NEMP2: variants seen among roughly 807,000 people sequenced by gnomAD.
The protein encoded by NEMP2 is nuclear envelope integral membrane protein 2.
A neutral mutation model predicts 54.2 loss-of-function variants in NEMP2; 53 were observed. The ratio of observed to expected loss-of-function variants is 0.98; its 90% CI spans 0.78 to 1.23. The LOEUF (loss-of-function observed/expected upper bound fraction) is 1.23, where lower values mean the gene tolerates loss of function less well. Among genes scored for constraint, NEMP2 ranks in the 50% most tolerant of loss-of-function variants. The pLI is 0.00. For missense variants in NEMP2, 455 were observed against 511.3 expected (o/e 0.89, Z 1.06); for synonymous variants, 197 against 190.3 (o/e 1.04, Z -0.29).
Position 190,532,376 on chromosome 2 carries a change from T to C in NEMP2, c.97+2183A>G, listed in dbSNP as rs1005827917. On this transcript the variant is annotated intron_variant, in intron 1 of 8. Transcript: ENST00000409150. Reference sequence around the variant, plus strand: ...GGTCTTTAACTTCAAGTTCAAATCTTCACAGATGAATCTTAAAGCTGTGGT... The same window carrying C: ...GGTCTTTAACTTCAAGTTCAAATCTCCACAGATGAATCTTAAAGCTGTGGT... Among the ~76,000 whole-genome samples, 16 of 152,324 alleles carry C rather than the reference T, an allele frequency of 1.1e-4. No homozygotes were observed. The East Asian group carries it at 1.3e-3, about 13-fold the overall frequency.
At chr2:190,569,984 A>C in the NEMP2 span, among the ~76,000 whole-genome samples, 1 of 152,202 alleles carries the variant, frequency 6.6e-6, no homozygotes, top group African/African-American at 2.4e-5. Context: ...GGCTGTGGTG[A>C]ATGGGTTAGG....
the NEMP2 span, among the ~76,000 whole-genome samples, chr2:190,548,026 C>A: frequency 2.0e-5 from 3 of 152,088 alleles, no homozygotes; most frequent in African/African-American, 7.2e-5. Context: ...TTAACTAGGT[C>A]ACTTGCCACT....
chr2:190,517,676 T>C, intron 4 of NEMP2, 63 bp from the exon 5 acceptor site: 1 of 1,166,652 alleles, frequency 8.6e-7, no homozygotes, highest in Non-Finnish European at 1.2e-6. Flanking sequence ...ATGAAAAACA[T>C]GTTTAACCTG....
At position 190,534,635 on chromosome 2, in the gene NEMP2, C is replaced by T; in HGVS notation, c.21G>A (p.Arg7=). 1 of 1,346,528 alleles carries T rather than the reference C, an allele frequency of 7.4e-7. No individual in the cohort carries two copies. The highest frequency in any genetic ancestry group is 9.5e-7 in the Non-Finnish European group (1 of 1,053,458). 83.4% of individuals were successfully genotyped at this position (1,346,528 alleles called of 1,614,324 possible). Residue 7 remains arginine (R), a synonymous_variant, in exon 1 of 9, where the codon CGG becomes CGA. Coordinates refer to ENST00000409150, the MANE Select transcript of NEMP2 (RefSeq NM_001142645.2). MGPRQG[R]WWLLLWLPPL... ...GCGGCAGCCAGAGCAGCAGCCACCACCGCCCTTGGCGCGGCCCCATTTCGT... is the reference window on the plus strand; with the variant it reads ...GCGGCAGCCAGAGCAGCAGCCACCATCGCCCTTGGCGCGGCCCCATTTCGT...
At chr2:190,518,649 A>G (rs1172577517) in intron 4 of NEMP2, 87 bp downstream of exon 4, 1 of 1,105,436 alleles carries the variant, frequency 9.0e-7, no homozygotes, top group East Asian at 2.6e-5. Flanking sequence ...CAAATGCACA[A>G]TAGTGTGAAA....
chr2:190,443,452 T>G, the NEMP2 span, among the ~76,000 whole-genome samples: 2 of 152,214 alleles, frequency 1.3e-5, no homozygotes, highest in East Asian at 1.9e-4. The surrounding 1 kb of genome is among the most constrained non-coding windows in gnomAD (Gnocchi z 4.2). Context: ...TATTTTACTT[T>G]TTTTCTGTCA....
At chr2:190,639,791 G>A in the NEMP2 span, among the ~76,000 whole-genome samples, 32 of 152,162 alleles carry the variant, frequency 2.1e-4, no homozygotes, top group Non-Finnish European at 3.1e-4. Flanking sequence ...TGGGACTACA[G>A]GTGCATGCCA....
At chr2:190,559,972 G>A in the NEMP2 span, among the ~76,000 whole-genome samples, 1 of 152,150 alleles carries the variant, frequency 6.6e-6, no homozygotes, top group African/African-American at 2.4e-5. This position sits in a 1 kb window ranked among gnomAD's most constrained non-coding sequence, Gnocchi z 4.0. Context: ...TAAAAGGGTG[G>A]CAGTTCTGGT....
At chr2:190,539,300 T>G (rs1691473164), upstream of NEMP2, among the ~76,000 whole-genome samples, 1 of 152,204 alleles carries the variant, frequency 6.6e-6, no homozygotes, top group African/African-American at 2.4e-5. This position sits in a 1 kb window ranked among gnomAD's most constrained non-coding sequence, Gnocchi z 4.1. Flanking sequence ...TCTGTGCCAT[T>G]GGTCTATGTG....
the NEMP2 span, among the ~76,000 whole-genome samples, chr2:190,492,302 G>A: frequency 7.2e-4 from 109 of 152,270 alleles, no homozygotes; most frequent in Admixed American, 1.8e-3. The surrounding 1 kb of genome is among the most constrained non-coding windows in gnomAD (Gnocchi z 5.2). Context: ...AAGAACACCT[G>A]GGAAATTCAT....
At chr2:190,421,444 A>G in the NEMP2 span, among the ~76,000 whole-genome samples, 3 of 152,196 alleles carry the variant, frequency 2.0e-5, no homozygotes, top group South Asian at 4.1e-4. Flanking sequence ...TTTTATTTTT[A>G]AAGTGAGAGT....
In NEMP2 at chr2:190,522,816, G is replaced by A. The variant is rs1690797200; in HGVS notation, c.213+2447C>T. Among the ~76,000 whole-genome samples, 1 of 152,140 alleles carries A rather than the reference G, an allele frequency of 6.6e-6. No homozygotes were observed. The highest frequency in any genetic ancestry group is 6.5e-5 in the Admixed American group (1 of 15,276). On this transcript the variant is annotated intron_variant, in intron 2 of 8. Coordinates refer to ENST00000409150, the MANE Select transcript of NEMP2 (RefSeq NM_001142645.2). This position sits in a 1 kb window ranked among gnomAD's most constrained non-coding sequence, Gnocchi z 5.0. ...TTGATAATAACTCTTTCAACCAATT[G>A]CCAATCAGAAAATTTAAAAATCTAC...
At chr2:190,611,129 A>G in the NEMP2 span, 2 of 152,256 alleles carry the variant, frequency 1.3e-5, no homozygotes, top group Admixed American at 1.3e-4. This position sits in a 1 kb window ranked among gnomAD's most constrained non-coding sequence, Gnocchi z 5.4. Flanking sequence ...CACACAATTG[A>G]CAAGGATATC....
the NEMP2 span, among the ~76,000 whole-genome samples, chr2:190,544,436 T>C: frequency 1.2e-4 from 18 of 152,234 alleles, no homozygotes; most frequent in African/African-American, 3.8e-4. Flanking sequence ...AAAAAAAAAT[T>C]GGTTAAATTC....
At chr2:190,571,859 C>T in the NEMP2 span, among the ~76,000 whole-genome samples, 3 of 152,124 alleles carry the variant, frequency 2.0e-5, no homozygotes, top group Non-Finnish European at 4.4e-5. Context: ...CCTCCCTGCC[C>T]TCCACACACA....
the NEMP2 span, among the ~76,000 whole-genome samples, chr2:190,647,936 A>G: frequency 6.6e-6 from 1 of 151,722 alleles, no homozygotes; most frequent in Non-Finnish European, 1.5e-5. Context: ...CTGGTGTCCA[A>G]CTCCGGACCT....
the NEMP2 span, among the ~76,000 whole-genome samples, chr2:190,481,281 CT>C: frequency 6.6e-6 from 1 of 152,168 alleles, no homozygotes; most frequent in East Asian, 1.9e-4. Flanking sequence ...CAGTTATAGA[CT>C]TTTTTTAAGC....
In NEMP2 at chr2:190,508,868, G is replaced by C. The variant is rs1241681556; in HGVS notation, c.*321C>G. The C allele has an allele frequency of 3.5e-6, 1 of 284,236 alleles. No individual in the cohort carries two copies. The highest frequency in any genetic ancestry group is 6.7e-6 in the Non-Finnish European group (1 of 149,700). The allele number at this position is 284,236 out of a possible 1,614,324, so 17.6% of individuals were successfully genotyped here. A position where few individuals can be genotyped will look rare whatever the true frequency, so the allele number is the denominator to read the frequency against. On this transcript the variant is annotated 3_prime_UTR_variant, in exon 9 of 9. Transcript: ENST00000409150. The surrounding 1 kb of genome is among the most constrained non-coding windows in gnomAD (Gnocchi z 4.3). ...AGACCAGATTTAGTGCCCTGGTGTC[G>C]ACAAAGCACCTGTTCATGCTTACTA...
At position 190,510,346 on chromosome 2, in the gene NEMP2, C is replaced by T; in HGVS notation, c.1130+15G>A. ...CTGAACTAAACTATGGTCCGAGCAGCAGAGCGGGACTTACTTGCTAGGAGT... is the reference window on the plus strand; with the variant it reads ...CTGAACTAAACTATGGTCCGAGCAGTAGAGCGGGACTTACTTGCTAGGAGT... On this transcript the variant is annotated intron_variant, in intron 8 of 8. Coordinates refer to ENST00000409150, the MANE Select transcript of NEMP2 (RefSeq NM_001142645.2). The surrounding 1 kb of genome is among the most constrained non-coding windows in gnomAD (Gnocchi z 5.7). 6.4e-7 allele frequency: 1 copy of T among 1,551,318 alleles called. No homozygotes were observed. The highest frequency in any genetic ancestry group is 8.7e-7 in the Non-Finnish European group (1 of 1,146,786).
Sources: allele counts gnomAD v4.1 joint callset (sites outside exome capture counted in the v4.1 genomes callset), GRCh38; gene constraint gnomAD v4.1.1; non-coding constraint Gnocchi (gnomAD v3.1); transcripts MANE v1.5; gene names NCBI Gene and HGNC (gene_info 2026-07-23, HGNC 2026-07-21).